The following SLC28A3 variants were observed in gnomAD, a reference collection of about 807,000 sequenced individuals.
SLC28A3 encodes the protein solute carrier family 28 member 3, also known as concentrative Na(+)-nucleoside cotransporter 3.
SLC28A3 carries 68 observed loss-of-function variants against 84.2 expected under a neutral mutation model. That is an observed-to-expected ratio of 0.81 (90% confidence interval 0.66 to 0.99). The LOEUF (loss-of-function observed/expected upper bound fraction) is 0.99. Ranked by LOEUF, SLC28A3 falls within the 50% of genes least tolerant of loss-of-function variation. The pLI, the probability that SLC28A3 is intolerant of heterozygous loss-of-function variation, is 0.00. For missense variants in SLC28A3, 712 were observed against 841.5 expected (o/e 0.85, Z 1.90); for synonymous variants, 267 against 303.6 (o/e 0.88, Z 1.25).
chr9:84,334,628 ATT>A (rs201607400), intron 1 of SLC28A3, among the ~76,000 whole-genome samples: 9 of 148,542 alleles, frequency 6.1e-5, no homozygotes, highest in East Asian at 2.0e-4. Flanking sequence ...TTCACAACGA[ATT>A]TTTTTTTTTT....
At chr9:84,293,684 A>ATG (rs1825316923) in intron 9 of SLC28A3, among the ~76,000 whole-genome samples, 1 of 152,008 alleles carries the variant, frequency 6.6e-6, no homozygotes, top group Non-Finnish European at 1.5e-5. Context: ...GTGTGTGTGT[A>ATG]TGTGTGTGTG....
chr9:84,319,637 TC>T (rs1826295830), intron 1 of SLC28A3, among the ~76,000 whole-genome samples: 1 of 152,222 alleles, frequency 6.6e-6, no homozygotes, highest in African/African-American at 2.4e-5. Flanking sequence ...CTTGTGTTGA[TC>T]ATTTGTGTTT....
intron 2 of SLC28A3, among the ~76,000 whole-genome samples, chr9:84,310,058 G>A (rs1220911533): frequency 6.6e-6 from 1 of 152,144 alleles, no homozygotes; most frequent in African/African-American, 2.4e-5. Context: ...ACTAAATGAA[G>A]TTAATACCAG....
rs1361130852 is a variant in SLC28A3, at chr9:84,318,724, CCGGG to C, written c.61-5274_61-5271del. On this transcript the variant is annotated intron_variant, in intron 1 of 17. Transcript: ENST00000376238. Reference sequence around the variant, plus strand: ...TCTCTACTAAAAATACAAAAATTAGCCGGGCGTGGTGGCCTGTGCCTGTAATCCC... The same window carrying C: ...TCTCTACTAAAAATACAAAAATTAGCCGTGGTGGCCTGTGCCTGTAATCCC... Among the ~76,000 whole-genome samples the C allele has an allele frequency of 3.9e-5, 6 of 152,058 alleles. No homozygotes were observed. In the South Asian group the frequency reaches 1.2e-3, roughly 32 times the overall value.
intron 12 of SLC28A3, 56 bp from the exon 13 acceptor site, chr9:84,286,167 C>T (rs1824978131): frequency 2.6e-6 from 4 of 1,545,302 alleles, no homozygotes; most frequent in African/African-American, 2.7e-5. Context: ...GGGATGGACA[C>T]CATTGGTGCA....
At chr9:84,347,501 A>G in the SLC28A3 span, among the ~76,000 whole-genome samples, 1 of 152,232 alleles carries the variant, frequency 6.6e-6, no homozygotes, top group Non-Finnish European at 1.5e-5. Flanking sequence ...GGGGAAGCAC[A>G]ACTGAATTAA....
chr9:84,326,590 T>A (rs1383157158), intron 1 of SLC28A3, among the ~76,000 whole-genome samples: 1 of 152,018 alleles, frequency 6.6e-6, no homozygotes. Flanking sequence ...ATTCCTGACA[T>A]GACATCCTTG....
upstream of SLC28A3, among the ~76,000 whole-genome samples, chr9:84,343,142 C>T (rs1380705350): frequency 2.0e-5 from 3 of 151,772 alleles, no homozygotes; most frequent in African/African-American, 4.8e-5. Flanking sequence ...CGAGATCACG[C>T]CACCGCACTC....
At position 84,292,497 on chromosome 9, in the gene SLC28A3, GTCTC is replaced by G. The variant is rs1825271943; in HGVS notation, c.1023+167_1023+170del. 1.7e-5 allele frequency: 8 copies of G among 482,152 alleles called. No homozygotes were observed. In the African/African-American group the frequency reaches 2.0e-4, roughly 12 times the overall value. 29.9% of individuals were successfully genotyped at this position (482,152 alleles called of 1,614,324 possible). A position where few individuals can be genotyped will look rare whatever the true frequency, so the allele number is the denominator to read the frequency against. On this transcript the variant is annotated intron_variant, in intron 10 of 17. Transcript: ENST00000376238. ...TCTGTCTCTCTCTCTCTCTCTCTCT[GTCTC>G]TCTCTCTTCTCCCCCTGGAATCCGG... is the stretch of plus-strand genomic sequence containing the variant.
intron 17 of SLC28A3, chr9:84,278,549 C>T: frequency 3.4e-6 from 2 of 590,000 alleles, no homozygotes; most frequent in South Asian, 2.5e-5. Context: ...TCCCTATTTC[C>T]TCCATAACAA....
intron 1 of SLC28A3, among the ~76,000 whole-genome samples, chr9:84,329,733 G>A (rs1186482559): frequency 6.6e-6 from 1 of 151,840 alleles, no homozygotes; most frequent in Non-Finnish European, 1.5e-5. Flanking sequence ...ATGAAAAAAA[G>A]AAGAAGAAAG....
At chr9:84,359,950 C>A in the SLC28A3 span, among the ~76,000 whole-genome samples, 1 of 136,476 alleles carries the variant, frequency 7.3e-6, no homozygotes, top group Non-Finnish European at 1.5e-5. Context: ...TGCAATGAGC[C>A]AATATGGCAC....
At chr9:84,360,211 G>A in the SLC28A3 span, among the ~76,000 whole-genome samples, 4 of 152,014 alleles carry the variant, frequency 2.6e-5, no homozygotes, top group South Asian at 4.1e-4. Context: ...TTGAATAGGG[G>A]AGAACGGATA....
the SLC28A3 span, among the ~76,000 whole-genome samples, chr9:84,352,611 G>A: frequency 6.6e-6 from 1 of 152,030 alleles, no homozygotes; most frequent in Non-Finnish European, 1.5e-5. Context: ...ATGGCCAGGT[G>A]TGGTGGCTGA....
At chr9:84,363,562 C>A in the SLC28A3 span, among the ~76,000 whole-genome samples, 7 of 152,146 alleles carry the variant, frequency 4.6e-5, no homozygotes, top group East Asian at 1.3e-3. Flanking sequence ...CGAATTGAAT[C>A]CTGTCACATC....
chr9:84,337,653 T>C (rs1289984880), intron 1 of SLC28A3, among the ~76,000 whole-genome samples: 2 of 152,224 alleles, frequency 1.3e-5, no homozygotes, highest in African/African-American at 4.8e-5. Context: ...ATACTTTAAA[T>C]GCCAATCCGA....
At chr9:84,300,954 A>G (rs958091297) in intron 5 of SLC28A3, among the ~76,000 whole-genome samples, 8 of 152,186 alleles carry the variant, frequency 5.3e-5, no homozygotes, top group Admixed American at 1.3e-4. Context: ...TGTAGGGGAC[A>G]GCATATTCTG....
the SLC28A3 span, among the ~76,000 whole-genome samples, chr9:84,366,405 C>A: frequency 6.6e-6 from 1 of 152,026 alleles, no homozygotes; most frequent in East Asian, 1.9e-4. Context: ...TTATTTAGTT[C>A]ATTTGGTGAA....
rs1470130542 is a variant in SLC28A3, at chr9:84,275,617, TA to T, written c.*2600del. Reference sequence around the variant, plus strand: ...AGCTTCTATGTCTACTAAAGAGGAATAAAAACATCACCATGCACCAAAAACC... The same window carrying T: ...AGCTTCTATGTCTACTAAAGAGGAATAAAACATCACCATGCACCAAAAACC... On this transcript the variant is annotated 3_prime_UTR_variant, in exon 18 of 18. Coordinates refer to ENST00000376238, the MANE Select transcript of SLC28A3 (RefSeq NM_001199633.2). The T allele has an allele frequency of 5.3e-5, 8 of 152,154 alleles. No individual in the cohort carries two copies. Among genetic ancestry groups the T allele is most frequent in the Non-Finnish European group, 1.0e-4 (7 of 68,034 alleles). 9.4% of individuals were successfully genotyped at this position (152,154 alleles called of 1,614,324 possible).
Sources: allele counts gnomAD v4.1 joint callset (sites outside exome capture counted in the v4.1 genomes callset), GRCh38; gene constraint gnomAD v4.1.1; transcripts MANE v1.5; gene names NCBI Gene and HGNC (gene_info 2026-07-23, HGNC 2026-07-21).